ZC3H4: variants seen among roughly 807,000 people sequenced by gnomAD.
ZC3H4 encodes zinc finger CCCH-type containing 4, also known as zinc finger CCCH domain-containing protein 4.
ZC3H4 carries 13 observed loss-of-function variants against 108.3 expected under a neutral mutation model. The ratio of observed to expected loss-of-function variants is 0.12; its 90% CI spans 0.08 to 0.19. The LOEUF (loss-of-function observed/expected upper bound fraction) is 0.19, where lower values mean the gene tolerates loss of function less well. Ranked by LOEUF, ZC3H4 falls within the 10% of genes least tolerant of loss-of-function variation. The pLI, the probability that ZC3H4 is intolerant of heterozygous loss-of-function variation, is 1.00. For missense variants in ZC3H4, 1,734 were observed against 1,838.8 expected (o/e 0.94, Z 1.04); for synonymous variants, 917 against 749.6 (o/e 1.22, Z -3.65).
intron 2 of ZC3H4, chr19:47,097,046 A>G (rs2057833233): frequency 1.0e-6 from 1 of 961,088 alleles, no homozygotes; most frequent in Non-Finnish European, 1.2e-6. Flanking sequence ...GGCAGAGGAC[A>G]AAAGACCATT....
At position 47,066,128 on chromosome 19, in the gene ZC3H4, C is replaced by T; in HGVS notation, c.*228G>A. The stretch of plus-strand genomic sequence containing the variant: ...CATGAGTCGGTTTGCTCAGCAGGAG[C>T]CCCTGAGCCCGCCACACTGACCAGA... On this transcript the variant is annotated 3_prime_UTR_variant, in exon 15 of 15. Transcript: ENST00000253048. 5.0e-6 allele frequency: 2 copies of T among 397,814 alleles called. No homozygotes were observed. The highest frequency in any genetic ancestry group is 8.9e-6 in the Non-Finnish European group (2 of 225,820). The allele number at this position is 397,814 out of a possible 1,614,324, so 24.6% of individuals were successfully genotyped here.
In ZC3H4 at chr19:47,090,167, G is replaced by A. The variant is rs201544191; in HGVS notation, c.515C>T (p.Ser172Leu). Residue 172 changes from serine to leucine, a missense_variant, in exon 5 of 15, where the codon TCG becomes TTG. Physicochemically the swap from Ser to Leu is moderately radical, Grantham distance 145. Around this residue, in one of 9 missense-constraint regions of ZC3H4, gnomAD observed 403 missense variants for 457.0 expected, o/e 0.88. Coordinates refer to ENST00000253048, the MANE Select transcript of ZC3H4 (RefSeq NM_015168.2). ...YAPSHQQYPP[S>L]HATPLPKKAY... ...CTTCTTGGGCAGGGGCGTGGCATGC[G>A]ATGGGGGGTACTGCTGGTGGGACTG... The A allele has an allele frequency of 6.2e-6, 10 of 1,614,110 alleles. No homozygotes were observed. The highest frequency in any genetic ancestry group is 3.3e-5 in the Admixed American group (2 of 60,008).
At chr19:47,099,055 C>G (rs2057866315) in intron 2 of ZC3H4, among the ~76,000 whole-genome samples, 1 of 152,142 alleles carries the variant, frequency 6.6e-6, no homozygotes, top group Non-Finnish European at 1.5e-5. Flanking sequence ...GGAACAGGCA[C>G]AAAGGAAGAA....
rs201967618 is a variant in ZC3H4 at position 47,067,202 on chromosome 19, G to T, written c.3066C>A (p.Asn1022Lys). The change falls in exon 15 of 15, where the codon AAC becomes AAA. Residue 1022 changes from asparagine (N) to lysine (K), a missense_variant. Asn to Lys is a moderately conservative substitution (Grantham distance 94). Coordinates refer to ENST00000253048, the MANE Select transcript of ZC3H4 (RefSeq NM_015168.2). This position sits in a 1 kb window ranked among gnomAD's most constrained non-coding sequence, Gnocchi z 6.4. Reference sequence around the variant, plus strand: ...TGGAGGCGCCCGGGCGCTGCCGGGCGTTGGGGGGCCCTGCCGTGGCAGCGC... The same window carrying T: ...TGGAGGCGCCCGGGCGCTGCCGGGCTTTGGGGGGCCCTGCCGTGGCAGCGC... ...LHRAATAGPP[N>K]ARQRPGASTD... 9.9e-6 allele frequency: 16 copies of T among 1,610,380 alleles called. No individual in the cohort carries two copies. Among genetic ancestry groups the T allele is most frequent in the Non-Finnish European group, 1.4e-5 (16 of 1,178,392 alleles).
At chr19:47,094,279 G>T in intron 3 of ZC3H4, 110 bp downstream of exon 3, 1 of 1,268,592 alleles carries the variant, frequency 7.9e-7, no homozygotes, top group Non-Finnish European at 1.1e-6. Context: ...TTTGAGATAA[G>T]CAAAGGCATT....
intron 5 of ZC3H4, among the ~76,000 whole-genome samples, chr19:47,088,927 G>T (rs890126721): frequency 3.3e-5 from 5 of 152,134 alleles, no homozygotes; most frequent in African/African-American, 1.2e-4. Flanking sequence ...GAACCAATGG[G>T]CCGGGCGCGG....
rs1420061654 is a variant in ZC3H4 at position 47,066,429 on chromosome 19, C to T, written c.3839G>A (p.Gly1280Asp). 7 of 1,570,098 alleles carry T rather than the reference C, an allele frequency of 4.5e-6. No homozygotes were observed. In the East Asian group the frequency reaches 1.1e-4, roughly 26 times the overall value. Residue 1280 changes from glycine to aspartate, a missense_variant, in exon 15 of 15, where the codon GGT (glycine) becomes GAT (aspartate). Gly to Asp is a moderately conservative substitution (Grantham distance 94). Coordinates refer to ENST00000253048, the MANE Select transcript of ZC3H4 (RefSeq NM_015168.2). ...CTTCAGGGATGCCGCATCCTGCTCA[C>T]CCTCGCGGGCCGGACTGTTCCCAGC... Reference protein sequence around the residue: ...PFAGNSPAREGEQDAASLKDV... With the variant: ...PFAGNSPAREDEQDAASLKDV...
rs746387202 is a variant in ZC3H4, at chr19:47,067,784, C to T, written c.2484G>A (p.Thr828=). 1.4e-5 allele frequency: 22 copies of T among 1,609,504 alleles called. No individual in the cohort carries two copies. Among genetic ancestry groups the T allele is most frequent in the East Asian group, 1.3e-4 (6 of 44,762 alleles). The change falls in exon 15 of 15, where the codon ACG becomes ACA. Residue 828 remains threonine, a synonymous_variant. Coordinates refer to ENST00000253048, the MANE Select transcript of ZC3H4 (RefSeq NM_015168.2). The surrounding 1 kb of genome is among the most constrained non-coding windows in gnomAD (Gnocchi z 6.4). ...CAACTGAAGCCGGGGGTCGGCTGGACGTCTGCTGCCTCAAGGTCTTCAGGA... is the reference window on the plus strand; with the variant it reads ...CAACTGAAGCCGGGGGTCGGCTGGATGTCTGCTGCCTCAAGGTCTTCAGGA... ...TSILKTLRQQ[T]SSRPPASVGE...
chr19:47,072,480 G>T lies in ZC3H4; in HGVS notation c.1674C>A (p.Pro558=). The change falls in exon 12 of 15, where the codon CCC becomes CCA. Residue 558 remains proline (P), a synonymous_variant. Transcript: ENST00000253048. The surrounding 1 kb of genome is among the most constrained non-coding windows in gnomAD (Gnocchi z 5.6). ...GGGACAGTGGCTCATGCACCGGCAT[G>T]GGCATCTGAGGGGGCCCGGGCGGTG... ...PPPPPGPPQM[P]MPVHEPLSPQ... 1.3e-6 allele frequency: 2 copies of T among 1,542,682 alleles called. No homozygotes were observed. Among genetic ancestry groups the T allele is most frequent in the Non-Finnish European group, 1.8e-6 (2 of 1,131,390 alleles).
At chr19:47,100,500 A>AT (rs1181476337) in intron 2 of ZC3H4, among the ~76,000 whole-genome samples, 2 of 151,862 alleles carry the variant, frequency 1.3e-5, no homozygotes, top group African/African-American at 4.8e-5. Flanking sequence ...TCCAGGCATC[A>AT]GCATCTGTAC....
At chr19:47,081,859 A>C (rs1788470751) in intron 10 of ZC3H4, among the ~76,000 whole-genome samples, 1 of 152,138 alleles carries the variant, frequency 6.6e-6, no homozygotes, top group African/African-American at 2.4e-5. Flanking sequence ...CTGCGTCCTC[A>C]GATGGTCAAC....
intron 11 of ZC3H4, among the ~76,000 whole-genome samples, chr19:47,078,924 G>A (rs2057470200): frequency 6.6e-6 from 1 of 151,944 alleles, no homozygotes; most frequent in Non-Finnish European, 1.5e-5. Flanking sequence ...CTACTGTGGA[G>A]GCTGAGGCAG....
At position 47,094,023 on chromosome 19, in the gene ZC3H4, G is replaced by A; in HGVS notation, c.439C>T (p.Pro147Ser). ...TACTTGCGGTGACCTTTCTCACTGGGGCTGAAATCCGAGTCATCTGAGAAG... is the reference window on the plus strand; with the variant it reads ...TACTTGCGGTGACCTTTCTCACTGGAGCTGAAATCCGAGTCATCTGAGAAG... ...SDFSDDSDFS[P>S]SEKGHRKYRE... The change falls in exon 4 of 15, where the codon CCC (proline) becomes TCC (serine). Residue 147 changes from proline to serine, a missense_variant. Physicochemically the swap from Pro to Ser is moderately conservative, Grantham distance 74 (BLOSUM62 -1). Transcript: ENST00000253048. 2 of 1,614,140 alleles carry A rather than the reference G, an allele frequency of 1.2e-6. No individual in the cohort carries two copies. The highest frequency in any genetic ancestry group is 1.7e-6 in the Non-Finnish European group (2 of 1,180,026).
At chr19:47,070,816 G>A (rs918441329) in intron 13 of ZC3H4, among the ~76,000 whole-genome samples, 14 of 152,052 alleles carry the variant, frequency 9.2e-5, no homozygotes, top group African/African-American at 3.1e-4. Flanking sequence ...CACGTCCAGC[G>A]CCCCATCCTC....
chr19:47,065,719 G>T lies in ZC3H4; in HGVS notation c.*637C>A. ...GAGGGTGGCAGGGAGGGCACGTGTG[G>T]TAATCCAGGGACAGGAGCAGGCATG... On this transcript the variant is annotated 3_prime_UTR_variant, in exon 15 of 15. Coordinates refer to ENST00000253048, the MANE Select transcript of ZC3H4 (RefSeq NM_015168.2). 6.5e-6 allele frequency: 1 copy of T among 152,948 alleles called. No individual in the cohort carries two copies. The allele number at this position is 152,948 out of a possible 1,614,324, so 9.5% of individuals were successfully genotyped here.
chr19:47,074,337 A>T (rs534413859), intron 11 of ZC3H4, among the ~76,000 whole-genome samples: 16 of 151,878 alleles, frequency 1.1e-4, no homozygotes, highest in African/African-American at 3.9e-4. Context: ...CTCCCCATCA[A>T]CTCCAAGAGG....
intron 4 of ZC3H4, 149 bp downstream of exon 4, chr19:47,093,821 C>G: frequency 1.8e-6 from 1 of 569,818 alleles, no homozygotes; most frequent in Non-Finnish European, 3.0e-6. Flanking sequence ...TTTCAGTTTC[C>G]TCACTCATAA....
intron 2 of ZC3H4, among the ~76,000 whole-genome samples, chr19:47,099,821 TAAAAAAAAAAAA>T (rs34876026): frequency 1.9e-5 from 2 of 103,154 alleles, no homozygotes; most frequent in Non-Finnish European, 4.1e-5. Flanking sequence ...TACAAGAGTT[TAAAAAAAAAAAA>T]AAAAAAAAAA....
chr19:47,108,680 G>C (rs1452814088), intron 2 of ZC3H4, among the ~76,000 whole-genome samples: 4 of 152,156 alleles, frequency 2.6e-5, no homozygotes, highest in Non-Finnish European at 4.4e-5. Flanking sequence ...TTCTCCCCTG[G>C]GATCAGCCTT....
Sources: allele counts gnomAD v4.1 joint callset (sites outside exome capture counted in the v4.1 genomes callset), GRCh38; gene constraint gnomAD v4.1.1; regional missense constraint gnomAD v4.1.1; non-coding constraint Gnocchi (gnomAD v3.1); transcripts MANE v1.5; gene names NCBI Gene and HGNC (gene_info 2026-07-23, HGNC 2026-07-21).